CSMD1: variants seen among roughly 807,000 people sequenced by gnomAD.
The protein encoded by CSMD1 is CUB and Sushi multiple domains 1, also known as CUB and sushi domain-containing protein 1.
Under a neutral mutation model 417.5 loss-of-function variants are expected in CSMD1, and 213 were observed. The ratio of observed to expected loss-of-function variants is 0.51; its 90% CI spans 0.46 to 0.57. CSMD1 has a LOEUF of 0.57. Among genes scored for constraint, CSMD1 ranks in the 20% least tolerant of loss-of-function variants. The pLI, the probability that CSMD1 is intolerant of heterozygous loss-of-function variation, is 0.00. For synonymous variants in CSMD1, 2,862 were observed against 1,736.8 expected, an observed-to-expected ratio of 1.65 and a Z score of -16.11; for missense variants, 6,923 against 4,529.7, an observed-to-expected ratio of 1.53 and a Z score of -15.17.
chr8:3,878,738 C>G (rs910483763), intron 5 of CSMD1, among the ~76,000 whole-genome samples: 1 of 152,026 alleles, frequency 6.6e-6, no homozygotes, highest in Admixed American at 6.6e-5. Context: ...AAATATTAGA[C>G]CCTTGTACTT....
chr8:2,974,072 G>A lies in CSMD1; in HGVS notation c.8740+379C>T, dbSNP rs1335852563. ...ATGGTGGTAGAGGATGGTGGTAGAG[G>A]ATGATGGTAGAGGATGATGGTAGAG... On this transcript the variant is annotated intron_variant, in intron 56 of 69. Transcript: ENST00000635120. Among the ~76,000 whole-genome samples the A allele has an allele frequency of 6.3e-5, 8 of 127,510 alleles. 1 individual carries two copies. Among genetic ancestry groups the A allele is most frequent in the Non-Finnish European group, 1.0e-4 (6 of 57,186 alleles). 83.7% of individuals were successfully genotyped at this position (127,510 alleles called of 152,430 possible). A position where few individuals can be genotyped will look rare whatever the true frequency, so the allele number is the denominator to read the frequency against.
Position 3,141,694 on chromosome 8 carries a change from G to A in CSMD1, c.6241+771C>T, listed in dbSNP as rs368001348. ...CCCAACCAGTTCTGCCATCGCACTC[G>A]GGAACAGCAGACAGCAAGAAAAACT... On this transcript the variant is annotated intron_variant, in intron 41 of 69. Transcript: ENST00000635120. Among the ~76,000 whole-genome samples, 333 of 152,168 alleles carry A rather than the reference G, an allele frequency of 2.2e-3. 1 individual carries two copies. The highest frequency in any genetic ancestry group is 6.8e-3 in the Middle Eastern group (2 of 294).
At chr8:3,981,243 G>T (rs528613020) in intron 5 of CSMD1, among the ~76,000 whole-genome samples, 1 of 152,094 alleles carries the variant, frequency 6.6e-6, no homozygotes, top group African/African-American at 2.4e-5. Flanking sequence ...TAACTCAGGC[G>T]TTGAAAACCA....
At chr8:4,753,436 C>G (rs1332170239) in intron 1 of CSMD1, among the ~76,000 whole-genome samples, 2 of 142,570 alleles carry the variant, frequency 1.4e-5, no homozygotes, top group African/African-American at 5.1e-5. Flanking sequence ...CACACACACA[C>G]ACACACACAC....
intron 30 of CSMD1, among the ~76,000 whole-genome samples, chr8:3,211,876 C>A (rs973740055): frequency 2.0e-5 from 3 of 152,316 alleles, no homozygotes; most frequent in African/African-American, 7.2e-5. Flanking sequence ...ACTGCCCAGG[C>A]CGCTCAGGAT....
chr8:4,878,975 A>C (rs1803223394), intron 1 of CSMD1, among the ~76,000 whole-genome samples: 1 of 151,894 alleles, frequency 6.6e-6, no homozygotes, highest in Admixed American at 6.6e-5. Context: ...AAGCAGGGAG[A>C]GGGGTCATGG....
intron 1 of CSMD1, among the ~76,000 whole-genome samples, chr8:4,899,442 T>C (rs1271675471): frequency 6.6e-6 from 1 of 152,156 alleles, no homozygotes; most frequent in African/African-American, 2.4e-5. Flanking sequence ...TAATTGAGAA[T>C]TAAATGTAGA....
intron 3 of CSMD1, among the ~76,000 whole-genome samples, chr8:4,066,992 C>G (rs1023006979): frequency 2.0e-5 from 3 of 152,240 alleles, no homozygotes; most frequent in African/African-American, 4.8e-5. Flanking sequence ...AGCAACTCCA[C>G]AACTGAGAAA....
chr8:3,887,316 A>G (rs775051498), intron 5 of CSMD1, among the ~76,000 whole-genome samples: 12 of 152,304 alleles, frequency 7.9e-5, no homozygotes, highest in Admixed American at 2.0e-4. Context: ...TCGCCAGGTG[A>G]TAGTTTCTGA....
chr8:4,565,241 GA>G (rs1798533718), intron 2 of CSMD1, among the ~76,000 whole-genome samples: 1 of 152,146 alleles, frequency 6.6e-6, no homozygotes, highest in Admixed American at 6.5e-5. Context: ...ATTGGATTAA[GA>G]ATGCCTCATT....
intron 3 of CSMD1, among the ~76,000 whole-genome samples, chr8:4,326,104 G>C (rs976725773): frequency 6.6e-6 from 1 of 152,154 alleles, no homozygotes; most frequent in East Asian, 1.9e-4. Flanking sequence ...TGGTAAATCA[G>C]AGCTCAGGGC....
At chr8:3,199,440 T>C (rs1796872626) in intron 33 of CSMD1, among the ~76,000 whole-genome samples, 1 of 152,172 alleles carries the variant, frequency 6.6e-6, no homozygotes, top group Non-Finnish European at 1.5e-5. Flanking sequence ...TGTGAAGAGC[T>C]ACAGAAAGGT....
intron 1 of CSMD1, among the ~76,000 whole-genome samples, chr8:4,852,123 C>T (rs1369628674): frequency 6.6e-6 from 1 of 152,168 alleles, no homozygotes; most frequent in Non-Finnish European, 1.5e-5. Context: ...TATTTTCTCC[C>T]AACTGGGAAC....
At chr8:3,451,823 T>A (rs1181992195) in intron 12 of CSMD1, among the ~76,000 whole-genome samples, 3 of 152,172 alleles carry the variant, frequency 2.0e-5, no homozygotes, top group Non-Finnish European at 4.4e-5. Flanking sequence ...CCATATGAAC[T>A]TTAAAGTAGT....
At chr8:4,928,873 C>T (rs951058399) in intron 1 of CSMD1, among the ~76,000 whole-genome samples, 1 of 152,006 alleles carries the variant, frequency 6.6e-6, no homozygotes, top group Non-Finnish European at 1.5e-5. Context: ...AGTTCGAGAC[C>T]AGCCTGCCAA....
At chr8:4,866,952 T>C (rs1435762591) in intron 1 of CSMD1, among the ~76,000 whole-genome samples, 2 of 152,132 alleles carry the variant, frequency 1.3e-5, no homozygotes, top group East Asian at 1.9e-4. Context: ...CACCAACCTA[T>C]ATGGAACAAT....
intron 3 of CSMD1, among the ~76,000 whole-genome samples, chr8:4,095,531 G>A (rs1378601461): frequency 6.6e-6 from 1 of 152,208 alleles, no homozygotes; most frequent in Non-Finnish European, 1.5e-5. Context: ...TAGTATCAAT[G>A]TAAACATGCA....
chr8:4,139,978 G>C (rs371618309), intron 3 of CSMD1, among the ~76,000 whole-genome samples: 45,142 of 150,616 alleles, frequency 0.3, 8,392 homozygotes, highest in Non-Finnish European at 0.39. Flanking sequence ...GTTTATGTGG[G>C]CAGGGGTTGC....
At chr8:4,492,894 G>A (rs1167133637) in intron 2 of CSMD1, among the ~76,000 whole-genome samples, 1 of 152,148 alleles carries the variant, frequency 6.6e-6, no homozygotes, top group East Asian at 1.9e-4. Flanking sequence ...TTTAACATGG[G>A]CCTGTGCTAT....
Sources: allele counts gnomAD v4.1 joint callset (sites outside exome capture counted in the v4.1 genomes callset), GRCh38; gene constraint gnomAD v4.1.1; transcripts MANE v1.5; gene names NCBI Gene and HGNC (gene_info 2026-07-23, HGNC 2026-07-21).